Variants in DCC observed in about 807,000 individuals in gnomAD.
DCC encodes DCC netrin 1 receptor.
In DCC, 58 loss-of-function variants were observed where a neutral mutation model predicts 172.5. The observed-to-expected ratio is 0.34, with a 90% CI of 0.27 to 0.42. The LOEUF is 0.42. Among genes scored for constraint, DCC ranks in the 10% least tolerant of loss-of-function variants. DCC has a pLI of 1.00. For missense variants in DCC, 1,740 were observed against 1,791.0 expected (o/e 0.97, Z 0.51); for synonymous variants, 709 against 644.5 (o/e 1.10, Z -1.52).
intron 1 of DCC, among the ~76,000 whole-genome samples, chr18:52,657,793 T>A (rs1457410035): frequency 2.0e-5 from 3 of 152,198 alleles, no homozygotes; most frequent in Non-Finnish European, 4.4e-5. Flanking sequence ...CTCTTTTTCC[T>A]TAGTGCTAGC....
At chr18:52,750,424 G>A (rs1271212313) in intron 1 of DCC, among the ~76,000 whole-genome samples, 2 of 152,182 alleles carry the variant, frequency 1.3e-5, no homozygotes, top group African/African-American at 2.4e-5. Flanking sequence ...CCAGGCTGCT[G>A]TCATCTGGGA....
chr18:53,114,814 A>G (rs2043387411), intron 7 of DCC, among the ~76,000 whole-genome samples: 1 of 151,650 alleles, frequency 6.6e-6, no homozygotes, highest in Non-Finnish European at 1.5e-5. Context: ...GGATTCACAA[A>G]TTTATAAAAA....
intron 1 of DCC, among the ~76,000 whole-genome samples, chr18:52,540,619 T>TC (rs1199429299): frequency 1.6e-5 from 2 of 128,798 alleles, no homozygotes; most frequent in African/African-American, 5.7e-5. Context: ...TTTTTTTTTT[T>TC]TTTTTGAGAC....
intron 1 of DCC, among the ~76,000 whole-genome samples, chr18:52,495,031 C>G (rs1051354537): frequency 6.6e-6 from 1 of 152,084 alleles, no homozygotes; most frequent in African/African-American, 2.4e-5. Context: ...ATATTTCTCT[C>G]ATTCACCTTT....
At chr18:52,851,386 C>T (rs1273030959) in intron 2 of DCC, among the ~76,000 whole-genome samples, 1 of 152,116 alleles carries the variant, frequency 6.6e-6, no homozygotes. Flanking sequence ...ATAGAATTCC[C>T]AAACAGCCTA....
chr18:53,332,941 A>G (rs1486553836), intron 14 of DCC, among the ~76,000 whole-genome samples: 1 of 152,142 alleles, frequency 6.6e-6, no homozygotes, highest in African/African-American at 2.4e-5. Flanking sequence ...GTGGTGGTGC[A>G]TGCCTGTGGT....
chr18:52,503,150 C>T (rs2031096725), intron 1 of DCC, among the ~76,000 whole-genome samples: 1 of 152,098 alleles, frequency 6.6e-6, no homozygotes, highest in South Asian at 2.1e-4. Context: ...ATCTTAAAGT[C>T]ATATATATCT....
intron 1 of DCC, among the ~76,000 whole-genome samples, chr18:52,744,686 T>C (rs2036880548): frequency 6.6e-6 from 1 of 152,164 alleles, no homozygotes; most frequent in Non-Finnish European, 1.5e-5. Context: ...ACTTTCTCTC[T>C]CTGGTCTAGC....
chr18:52,921,501 C>T (rs948177961), intron 3 of DCC, among the ~76,000 whole-genome samples: 10 of 151,936 alleles, frequency 6.6e-5, no homozygotes, highest in Non-Finnish European at 1.3e-4. Flanking sequence ...GAGTTCGAGA[C>T]CAGCCTGGCC....
chr18:53,238,815 A>G (rs376698423), intron 12 of DCC, among the ~76,000 whole-genome samples: 2 of 152,184 alleles, frequency 1.3e-5, no homozygotes, highest in Non-Finnish European at 2.9e-5. Context: ...ATTTTCCTAC[A>G]TAAAGTGAAC....
intron 11 of DCC, among the ~76,000 whole-genome samples, chr18:53,210,982 G>A (rs569422341): frequency 1.3e-5 from 2 of 151,508 alleles, no homozygotes; most frequent in South Asian, 2.1e-4. Flanking sequence ...AGATTATACA[G>A]CATATGATCA....
chr18:52,611,630 C>T (rs1227422300), intron 1 of DCC, among the ~76,000 whole-genome samples: 2 of 152,144 alleles, frequency 1.3e-5, no homozygotes, highest in Non-Finnish European at 2.9e-5. Flanking sequence ...TTACAAACAG[C>T]AACAGACAAT....
At chr18:53,206,956 T>A (rs1021610528) in intron 10 of DCC, among the ~76,000 whole-genome samples, 1 of 152,106 alleles carries the variant, frequency 6.6e-6, no homozygotes, top group African/African-American at 2.4e-5. Flanking sequence ...TTACAAGAGC[T>A]CCTCCTATGT....
At chr18:53,174,258 C>T (rs1232641967) in intron 8 of DCC, among the ~76,000 whole-genome samples, 2 of 141,914 alleles carry the variant, frequency 1.4e-5, no homozygotes, top group Non-Finnish European at 3.1e-5. Flanking sequence ...CCTAACATCA[C>T]AATTAAAAGA....
intron 1 of DCC, among the ~76,000 whole-genome samples, chr18:52,556,492 T>C (rs986380339): frequency 6.6e-6 from 1 of 152,102 alleles, no homozygotes; most frequent in East Asian, 1.9e-4. Context: ...CCACATTCTG[T>C]GCTCATGGTT....
intron 1 of DCC, among the ~76,000 whole-genome samples, chr18:52,638,558 C>T (rs2034827030): frequency 6.6e-6 from 1 of 152,090 alleles, no homozygotes; most frequent in South Asian, 2.1e-4. Flanking sequence ...AACTTTAAAG[C>T]AACAGCAGTT....
chr18:52,498,606 A>G (rs539539110), intron 1 of DCC, among the ~76,000 whole-genome samples: 76 of 152,294 alleles, frequency 5.0e-4, no homozygotes, highest in African/African-American at 1.7e-3. Flanking sequence ...CCTGGGACAC[A>G]GAGCGAGACT....
chr18:53,514,631 C>T (rs1206401665), intron 27 of DCC, among the ~76,000 whole-genome samples: 3 of 152,100 alleles, frequency 2.0e-5, no homozygotes, highest in Admixed American at 1.3e-4. Context: ...CCACTGATCC[C>T]ACAGAAATAC....
At chr18:53,048,804 G>A (rs2042295218) in intron 5 of DCC, among the ~76,000 whole-genome samples, 1 of 151,370 alleles carries the variant, frequency 6.6e-6, no homozygotes, top group South Asian at 2.1e-4. Flanking sequence ...CCACCAGCAG[G>A]GTATAAGGAT....
Sources: allele counts gnomAD v4.1 joint callset (sites outside exome capture counted in the v4.1 genomes callset), GRCh38; gene constraint gnomAD v4.1.1; transcripts MANE v1.5; gene names NCBI Gene and HGNC (gene_info 2026-07-23, HGNC 2026-07-21).